Variants in JMJD1C observed in about 807,000 individuals in gnomAD.
JMJD1C encodes the protein jumonji domain-containing protein 1C.
JMJD1C carries 31 observed loss-of-function variants against 245.3 expected under a neutral mutation model. The observed-to-expected ratio is 0.13, with a 90% confidence interval of 0.09 to 0.17. JMJD1C has a LOEUF of 0.17. Among genes scored for constraint, JMJD1C ranks in the 10% least tolerant of loss-of-function variants. The pLI is 1.00. For synonymous variants in JMJD1C, 1,057 were observed against 1,017.4 expected (o/e 1.04, Z -0.74); for missense variants, 2,691 against 3,000.2 (o/e 0.90, Z 2.41).
At chr10:63,481,834 AGAG>A (rs1296739043) in intron 1 of JMJD1C, among the ~76,000 whole-genome samples, 4 of 152,218 alleles carry the variant, frequency 2.6e-5, no homozygotes, top group African/African-American at 7.2e-5. Flanking sequence ...GAAGTGGAAG[AGAG>A]GAGAAGAGAA....
intron 1 of JMJD1C, among the ~76,000 whole-genome samples, chr10:63,396,935 T>C (rs1035568185): frequency 6.6e-6 from 1 of 150,704 alleles, no homozygotes. Flanking sequence ...TTTGGTTTTT[T>C]TTTTTTTTTT....
At chr10:63,340,517 AAG>A (rs1249907371) in intron 2 of JMJD1C, among the ~76,000 whole-genome samples, 2 of 152,248 alleles carry the variant, frequency 1.3e-5, no homozygotes, top group Non-Finnish European at 2.9e-5. Context: ...GGTTATTAAA[AAG>A]AGAGAAGGCA....
intron 2 of JMJD1C, among the ~76,000 whole-genome samples, chr10:63,317,453 CCATAGAA>C (rs1381211934): frequency 6.6e-6 from 1 of 151,940 alleles, no homozygotes; most frequent in Non-Finnish European, 1.5e-5. Context: ...TCCTGCTCTG[CCATAGAA>C]CATTGGAACT....
chr10:63,427,341 G>C (rs1437783227), intron 1 of JMJD1C: 1 of 1,088,028 alleles, frequency 9.2e-7, no homozygotes. Context: ...AGAGTTCCTG[G>C]GACCAAGTGT....
At chr10:63,184,555 T>A (rs1843892119) in intron 21 of JMJD1C, 53 bp downstream of exon 21, 15 of 1,524,162 alleles carry the variant, frequency 9.8e-6, no homozygotes, top group Non-Finnish European at 1.3e-5. Context: ...GAGCAAAAAT[T>A]TTAAAAAATC....
intron 3 of JMJD1C, among the ~76,000 whole-genome samples, chr10:63,253,435 G>A (rs1853389203): frequency 6.6e-6 from 1 of 151,130 alleles, no homozygotes; most frequent in South Asian, 2.1e-4. Context: ...CCAGGCTGTA[G>A]TGCACAGGCA....
intron 10 of JMJD1C, 23 bp downstream of exon 10, chr10:63,206,572 A>T: frequency 6.5e-7 from 1 of 1,541,160 alleles, no homozygotes; most frequent in Non-Finnish European, 8.7e-7. Context: ...TTTACCTGAG[A>T]TAAAACAAAG....
chr10:63,287,335 T>G (rs566609524), intron 2 of JMJD1C, among the ~76,000 whole-genome samples: 2 of 152,378 alleles, frequency 1.3e-5, no homozygotes, highest in South Asian at 4.1e-4. Flanking sequence ...AACACTGTTC[T>G]GTGGTATGAA....
intron 2 of JMJD1C, among the ~76,000 whole-genome samples, chr10:63,364,005 G>A (rs529429957): frequency 6.6e-5 from 10 of 152,002 alleles, no homozygotes; most frequent in South Asian, 2.1e-4. Flanking sequence ...ACAGTAATGC[G>A]CCACCATTCT....
chr10:63,405,726 G>T (rs1287517309), intron 1 of JMJD1C, among the ~76,000 whole-genome samples: 1 of 152,128 alleles, frequency 6.6e-6, no homozygotes, highest in African/African-American at 2.4e-5. Flanking sequence ...ATTCTAATAA[G>T]AAAATGCAGC....
intron 2 of JMJD1C, among the ~76,000 whole-genome samples, chr10:63,351,776 AGG>A (rs1944383632): frequency 1.3e-5 from 2 of 152,222 alleles, no homozygotes. Flanking sequence ...AAGGAAAGCT[AGG>A]TTAGCACCGA....
At chr10:63,454,989 C>T (rs7092784) in intron 1 of JMJD1C, among the ~76,000 whole-genome samples, 63,919 of 151,968 alleles carry the variant, frequency 0.42, 14,170 homozygotes, top group South Asian at 0.53. Context: ...ACACCTATAA[C>T]GTGGTTATTT....
chr10:63,445,384 T>C lies in JMJD1C; in HGVS notation c.168+20111A>G, dbSNP rs555491697. Among the ~76,000 whole-genome samples the C allele has an allele frequency of 4.6e-5, 7 of 152,270 alleles. No homozygotes were observed. The South Asian group carries it at 8.3e-4, about 18-fold the overall frequency. ...CAAGCATGTTAACATTTGAACATAC[T>C]TACCAGAAAGAAGTGATGGAGTCAT... On this transcript the variant is annotated intron_variant, in intron 1 of 25. Coordinates refer to ENST00000399262, the MANE Select transcript of JMJD1C (RefSeq NM_032776.3).
chr10:63,311,923 T>C (rs557405861), intron 2 of JMJD1C, among the ~76,000 whole-genome samples: 2 of 152,298 alleles, frequency 1.3e-5, no homozygotes, highest in South Asian at 4.1e-4. Flanking sequence ...TCTTAATTTA[T>C]TATATGCTTT....
At chr10:63,473,678 T>C (rs1405810186) in intron 1 of JMJD1C, among the ~76,000 whole-genome samples, 1 of 152,238 alleles carries the variant, frequency 6.6e-6, no homozygotes, top group Non-Finnish European at 1.5e-5. Context: ...TTTCTTTCGC[T>C]ACTTAAATCA....
chr10:63,242,539 T>C (rs1009146735), intron 3 of JMJD1C, among the ~76,000 whole-genome samples: 2 of 152,126 alleles, frequency 1.3e-5, no homozygotes, highest in East Asian at 1.9e-4. Flanking sequence ...CTGGCCAACA[T>C]GGTGAAACAA....
chr10:63,488,682 T>C (rs1370995661), intron 1 of JMJD1C, among the ~76,000 whole-genome samples: 5 of 152,234 alleles, frequency 3.3e-5, no homozygotes, highest in Admixed American at 2.0e-4. Context: ...ATATGACTTA[T>C]ATACGAGTAA....
chr10:63,410,407 G>A (rs1165799354), intron 1 of JMJD1C, among the ~76,000 whole-genome samples: 1 of 152,120 alleles, frequency 6.6e-6, no homozygotes, highest in African/African-American at 2.4e-5. Flanking sequence ...AACAGAAAAG[G>A]TTACTGTTAA....
At chr10:63,336,908 T>C (rs1396953833) in intron 2 of JMJD1C, among the ~76,000 whole-genome samples, 4 of 152,204 alleles carry the variant, frequency 2.6e-5, no homozygotes, top group Admixed American at 2.0e-4. Flanking sequence ...TTGCGTGATT[T>C]TGGCTCACTG....
Sources: allele counts gnomAD v4.1 joint callset (sites outside exome capture counted in the v4.1 genomes callset), GRCh38; gene constraint gnomAD v4.1.1; transcripts MANE v1.5; gene names NCBI Gene and HGNC (gene_info 2026-07-23, HGNC 2026-07-21).